Variants in OMG observed in about 807,000 individuals in gnomAD.
The protein encoded by OMG is oligodendrocyte-myelin glycoprotein.
In OMG, 9 loss-of-function variants were observed where a neutral mutation model predicts 26.2. The ratio of observed to expected loss-of-function variants is 0.34; its 90% CI spans 0.21 to 0.60. The LOEUF (loss-of-function observed/expected upper bound fraction) is 0.60. Ranked by LOEUF, OMG falls within the 20% of genes least tolerant of loss-of-function variation. OMG has a pLI of 0.80. For synonymous variants in OMG, 179 were observed against 190.4 expected, an observed-to-expected ratio of 0.94 and a Z score of 0.49; for missense variants, 402 against 513.6, an observed-to-expected ratio of 0.78 and a Z score of 2.10.
At position 31,294,655 on chromosome 17, in the gene OMG, A is replaced by G. The variant is rs912726823; in HGVS notation, c.*354T>C. The G allele has an allele frequency of 3.1e-6, 1 of 319,724 alleles. No individual in the cohort carries two copies. Among genetic ancestry groups the G allele is most frequent in the Non-Finnish European group, 6.0e-6 (1 of 167,236 alleles). The allele number at this position is 319,724 out of a possible 1,614,324, so 19.8% of individuals were successfully genotyped here. On this transcript the variant is annotated 3_prime_UTR_variant, in exon 2 of 2. Transcript: ENST00000247271. Reference sequence around the variant, plus strand: ...AAAGCCAAATGACACAGTTATGAGCATAGACCTTTTATTTTCCAGATGTTT... The same window carrying G: ...AAAGCCAAATGACACAGTTATGAGCGTAGACCTTTTATTTTCCAGATGTTT...
rs1597789915 is a variant in OMG, at chr17:31,294,789, A to C, written c.*220T>G. 1 of 590,218 alleles carries C rather than the reference A, an allele frequency of 1.7e-6. No individual in the cohort carries two copies. The highest frequency in any genetic ancestry group is 3.0e-6 in the Non-Finnish European group (1 of 335,990). 36.6% of individuals were successfully genotyped at this position (590,218 alleles called of 1,614,324 possible). A position where few individuals can be genotyped will look rare whatever the true frequency, so the allele number is the denominator to read the frequency against. The stretch of plus-strand genomic sequence containing the variant: ...ATTTTTTTTATAAAAGAAACTCATT[A>C]GTTTACTTAATTAAGACAGTAAAAT... On this transcript the variant is annotated 3_prime_UTR_variant, in exon 2 of 2. Coordinates refer to ENST00000247271, the MANE Select transcript of OMG (RefSeq NM_002544.5).
Position 31,296,071 on chromosome 17 carries a change from G to T in OMG, c.261C>A (p.Asn87Lys). Residue 87 changes from asparagine to lysine, a missense_variant, in exon 2 of 2, where the codon AAC becomes AAA. Coordinates refer to ENST00000247271, the MANE Select transcript of OMG (RefSeq NM_002544.5). ...YTNLRTLDISNNRLESLPAHL... is the reference protein window; with the variant it reads ...YTNLRTLDISKNRLESLPAHL... Reference sequence around the variant, plus strand: ...GAGCAGGCAGGCTTTCAAGCCTGTTGTTTGAAATGTCCAGGGTCCTCAGAT... The same window carrying T: ...GAGCAGGCAGGCTTTCAAGCCTGTTTTTTGAAATGTCCAGGGTCCTCAGAT... 6.2e-7 allele frequency: 1 copy of T among 1,613,886 alleles called. No homozygotes were observed. Among genetic ancestry groups the T allele is most frequent in the Non-Finnish European group, 8.5e-7 (1 of 1,179,926 alleles).
At position 31,294,960 on chromosome 17, in the gene OMG, C is replaced by T. The variant is rs771528005; in HGVS notation, c.*49G>A. On this transcript the variant is annotated 3_prime_UTR_variant, in exon 2 of 2. Coordinates refer to ENST00000247271, the MANE Select transcript of OMG (RefSeq NM_002544.5). ...GTTAGATATGGACATATTTTCCCAA[C>T]TGTACATCAGGGAGGAGTGCTTTCA... The T allele has an allele frequency of 6.2e-7, 1 of 1,612,770 alleles. No homozygotes were observed. The highest frequency in any genetic ancestry group is 2.2e-5 in the East Asian group (1 of 44,858).
intron 1 of OMG, 137 bp from the exon 2 acceptor site, chr17:31,296,474 A>G (rs1305328253): frequency 3.7e-6 from 3 of 802,248 alleles, no homozygotes; most frequent in African/African-American, 3.4e-5. Context: ...CAGTGATTAA[A>G]CTAACAAAGC....
chr17:31,296,236 G>A lies in OMG; in HGVS notation c.96C>T (p.Cys32=). 6.2e-7 allele frequency: 1 copy of A among 1,614,112 alleles called. No homozygotes were observed. Among genetic ancestry groups the A allele is most frequent in the South Asian group, 1.1e-5 (1 of 91,086 alleles). Residue 32 remains cysteine (C), a synonymous_variant, in exon 2 of 2, where the codon TGC becomes TGT. Transcript: ENST00000247271. ...AGTCCACATGCCTGTGCCTCTCTGT[G>A]CATATACATTGGAGAGGACAAATGC... ...ILCICPLQCI[C]TERHRHVDCS...
rs760069401 is a variant in OMG, at chr17:31,295,662, T to G, written c.670A>C (p.Asn224His). 5 of 1,614,144 alleles carry G rather than the reference T, an allele frequency of 3.1e-6. No homozygotes were observed. The Admixed American group carries it at 8.3e-5, about 27-fold the overall frequency. ...LFQLQEITLYNNRWSCDHKQN... is the reference protein window; with the variant it reads ...LFQLQEITLYHNRWSCDHKQN... ...TTGTGGTCACATGACCACCTGTTAT[T>G]GTAAAGGGTTATCTCTTGCAACTGA... Residue 224 changes from asparagine (N) to histidine (H), a missense_variant, in exon 2 of 2, where the codon AAT becomes CAT. By Grantham distance (68) the Asn-to-His change is moderately conservative. This residue lies in a region of OMG where 247 missense variants were observed against 274.7 expected (regional missense o/e 0.90). Transcript: ENST00000247271.
Position 31,295,458 on chromosome 17 carries a change from G to A in OMG, c.874C>T (p.Leu292=), listed in dbSNP as rs371558601. 1.7e-5 allele frequency: 28 copies of A among 1,614,028 alleles called. No individual in the cohort carries two copies. The South Asian group carries it at 1.9e-4, about 11-fold the overall frequency. ...ACTTTGGGTTGAGTTACCACACTCA[G>A]AGAGTTAATGGTGTCCACTGTCTGC... The part of the protein sequence containing the change: ...GMQTVDTINS[L]SVVTQPKVTK... The change falls in exon 2 of 2, where the codon CTG becomes TTG. Residue 292 remains leucine (L), a synonymous_variant. Transcript: ENST00000247271.
chr17:31,296,002 GT>G lies in OMG; in HGVS notation c.329del (p.Asn110ThrfsTer36). ...SLWNMSAANN[N>X]IKLLDKSDTA... ...TATCAGATTTGTCAAGAAGTTTAAT[GT>G]TGTTGTTAGCAGCAGACATGTTCCA... On this transcript the variant is annotated frameshift_variant, in exon 2 of 2. Transcript: ENST00000247271. LOFTEE classifies it high-confidence loss of function. 1 of 1,614,120 alleles carries G rather than the reference GT, an allele frequency of 6.2e-7. No homozygotes were observed. The highest frequency in any genetic ancestry group is 8.5e-7 in the Non-Finnish European group (1 of 1,179,992).
At position 31,295,379 on chromosome 17, in the gene OMG, A is replaced by G. The variant is rs772483242; in HGVS notation, c.953T>C (p.Leu318Pro). 2 of 1,614,168 alleles carry G rather than the reference A, an allele frequency of 1.2e-6. No individual in the cohort carries two copies. Among genetic ancestry groups the G allele is most frequent in the Non-Finnish European group, 1.7e-6 (2 of 1,180,008 alleles). ...GCTAGTAAAGGTGGTGTCTTTGCTTAGAGTGGCACCAAACGTTGTTTCCTT... is the reference window on the plus strand; with the variant it reads ...GCTAGTAAAGGTGGTGTCTTTGCTTGGAGTGGCACCAAACGTTGTTTCCTT... ...RTKETTFGATLSKDTTFTSTD... is the reference protein window; with the variant it reads ...RTKETTFGATPSKDTTFTSTD... Residue 318 changes from leucine (L) to proline (P), a missense_variant, in exon 2 of 2, where the codon CTA becomes CCA. Leu to Pro is a moderately conservative substitution (Grantham distance 98, BLOSUM62 -3). Transcript: ENST00000247271.
Position 31,295,419 on chromosome 17 carries a change from T to C in OMG, c.913A>G (p.Lys305Glu). 1 of 1,614,148 alleles carries C rather than the reference T, an allele frequency of 6.2e-7. No homozygotes were observed. The highest frequency in any genetic ancestry group is 8.5e-7 in the Non-Finnish European group (1 of 1,180,010). The change falls in exon 2 of 2, where the codon AAA (lysine) becomes GAA (glutamate). Residue 305 changes from lysine to glutamate, a missense_variant. Transcript: ENST00000247271. ...GTTGTTTCCTTTGTTCGATATTGTT[T>C]GGGTATTTTGGTCACTTTGGGTTGA... is the stretch of plus-strand genomic sequence containing the variant. ...VTQPKVTKIP[K>E]QYRTKETTFG...
rs760514220 is a variant in OMG at position 31,295,037 on chromosome 17, A to G, written c.1295T>C (p.Leu432Pro). 1 of 1,614,140 alleles carries G rather than the reference A, an allele frequency of 6.2e-7. No individual in the cohort carries two copies. The highest frequency in any genetic ancestry group is 2.2e-5 in the East Asian group (1 of 44,876). Residue 432 changes from leucine to proline, a missense_variant, in exon 2 of 2, where the codon CTC (leucine) becomes CCC (proline). Around this residue, in one of 3 missense-constraint regions of OMG, gnomAD observed 247 missense variants for 274.7 expected, o/e 0.90. Coordinates refer to ENST00000247271, the MANE Select transcript of OMG (RefSeq NM_002544.5). ...WKVNASFLLL[L>P]NVVVMLAV The stretch of plus-strand genomic sequence containing the variant: ...GACAGCCAGCATGACCACAACATTG[A>G]GCAATAAGAGAAATGAAGCATTTAC...
At position 31,297,205 on chromosome 17, in the gene OMG, AG is replaced by A. The variant is rs1279735571; in HGVS notation, c.-57del. The A allele has an allele frequency of 1.3e-5, 2 of 152,216 alleles. No individual in the cohort carries two copies. The highest frequency in any genetic ancestry group is 1.3e-4 in the Admixed American group (2 of 15,272). 9.4% of individuals were successfully genotyped at this position (152,216 alleles called of 1,614,324 possible). ...ATCTCATTTTCTCTGGGAAACTTAA[AG>A]GTCGTCTTGTTCTGTAGAGTCGGAA... On this transcript the variant is annotated 5_prime_UTR_variant, in exon 1 of 2. Coordinates refer to ENST00000247271, the MANE Select transcript of OMG (RefSeq NM_002544.5).
Position 31,295,500 on chromosome 17 carries a change from A to G in OMG, c.832T>C (p.Phe278Leu), listed in dbSNP as rs1301262669. Residue 278 changes from phenylalanine to leucine, a missense_variant, in exon 2 of 2, where the codon TTC becomes CTC. Around this residue, in one of 3 missense-constraint regions of OMG, gnomAD observed 247 missense variants for 274.7 expected, o/e 0.90. Coordinates refer to ENST00000247271, the MANE Select transcript of OMG (RefSeq NM_002544.5). ...PTPSGFTSSL[F>L]TVSGMQTVDT... ...ACTGTCTGCATCCCACTTACAGTGA[A>G]TAAGCTTGAGGTAAATCCAGAAGGT... 1 of 1,614,180 alleles carries G rather than the reference A, an allele frequency of 6.2e-7. No homozygotes were observed. Among genetic ancestry groups the G allele is most frequent in the South Asian group, 1.1e-5 (1 of 91,080 alleles).
rs1392024178 is a variant in OMG at position 31,295,127 on chromosome 17, A to G, written c.1205T>C (p.Leu402Ser). 6.2e-7 allele frequency: 1 copy of G among 1,614,100 alleles called. No homozygotes were observed. Among genetic ancestry groups the G allele is most frequent in the Admixed American group, 1.7e-5 (1 of 60,012 alleles). ...ATTTGTGGTTGTCTCTTCCCTCCATAAGTTAAGGGTTGTGCTTTGTTGAGG... is the reference window on the plus strand; with the variant it reads ...ATTTGTGGTTGTCTCTTCCCTCCATGAGTTAAGGGTTGTGCTTTGTTGAGG... The part of the protein sequence containing the change: ...EMPQQSTTLN[L>S]WREETTTNVK... The change falls in exon 2 of 2, where the codon TTA (leucine) becomes TCA (serine). Residue 402 changes from leucine (L) to serine (S), a missense_variant. Around this residue, in one of 3 missense-constraint regions of OMG, gnomAD observed 247 missense variants for 274.7 expected, o/e 0.90. Coordinates refer to ENST00000247271, the MANE Select transcript of OMG (RefSeq NM_002544.5).
chr17:31,295,189 A>G lies in OMG; in HGVS notation c.1143T>C (p.Ser381=). 1 of 1,614,114 alleles carries G rather than the reference A, an allele frequency of 6.2e-7. No homozygotes were observed. Among genetic ancestry groups the G allele is most frequent in the South Asian group, 1.1e-5 (1 of 91,078 alleles). The change falls in exon 2 of 2, where the codon AGT becomes AGC. Residue 381 remains serine (S), a synonymous_variant. Transcript: ENST00000247271. ...TKSSPTPMTL[S]ITSGMPNNFS... is the part of the protein sequence containing the mutation. Reference sequence around the variant, plus strand: ...AATTATTTGGCATGCCACTAGTGATACTTAGGGTCATGGGTGTTGGGGATG... The same window carrying G: ...AATTATTTGGCATGCCACTAGTGATGCTTAGGGTCATGGGTGTTGGGGATG...
At position 31,295,101 on chromosome 17, in the gene OMG, C is replaced by A; in HGVS notation, c.1231G>T (p.Val411Leu). ...NLWREETTTNVKTPLPSVANA... is the reference protein window; with the variant it reads ...NLWREETTTNLKTPLPSVANA... ...GCCACAGAAGGTAATGGAGTCTTTA[C>A]ATTTGTGGTTGTCTCTTCCCTCCAT... The change falls in exon 2 of 2, where the codon GTA becomes TTA. Residue 411 changes from valine to leucine, a missense_variant. By Grantham distance (32) the Val-to-Leu change is conservative. This residue lies in a region of OMG where 247 missense variants were observed against 274.7 expected (regional missense o/e 0.90). Transcript: ENST00000247271. The A allele has an allele frequency of 6.2e-7, 1 of 1,614,130 alleles. No individual in the cohort carries two copies. Among genetic ancestry groups the A allele is most frequent in the Non-Finnish European group, 8.5e-7 (1 of 1,180,006 alleles).
rs1048243788 is a variant in OMG, at chr17:31,297,228, G to C, written c.-79C>G. 1 of 152,302 alleles carries C rather than the reference G, an allele frequency of 6.6e-6. No individual in the cohort carries two copies. The highest frequency in any genetic ancestry group is 1.5e-5 in the Non-Finnish European group (1 of 68,100). The allele number at this position is 152,302 out of a possible 1,614,324, so 9.4% of individuals were successfully genotyped here. On this transcript the variant is annotated 5_prime_UTR_variant, in exon 1 of 2. Coordinates refer to ENST00000247271, the MANE Select transcript of OMG (RefSeq NM_002544.5). ...AAAGGTCGTCTTGTTCTGTAGAGTCGGAACTGTTTCTGGCTGTGGGCTGTG... is the reference window on the plus strand; with the variant it reads ...AAAGGTCGTCTTGTTCTGTAGAGTCCGAACTGTTTCTGGCTGTGGGCTGTG...
intron 1 of OMG, chr17:31,296,544 ACT>A (rs2068469569): frequency 1.8e-6 from 1 of 567,584 alleles, no homozygotes; most frequent in Non-Finnish European, 3.2e-6. Context: ...GTAGAGAGAG[ACT>A]CTCTCCCTAC....
rs1375215614 is a variant in OMG at position 31,294,795 on chromosome 17, C to T, written c.*214G>A. The T allele has an allele frequency of 1.7e-6, 1 of 599,668 alleles. No individual in the cohort carries two copies. Among genetic ancestry groups the T allele is most frequent in the African/African-American group, 1.9e-5 (1 of 53,736 alleles). 37.1% of individuals were successfully genotyped at this position (599,668 alleles called of 1,614,324 possible). A position where few individuals can be genotyped will look rare whatever the true frequency, so the allele number is the denominator to read the frequency against. ...TTTATAAAAGAAACTCATTAGTTTA[C>T]TTAATTAAGACAGTAAAATAGCAGC... On this transcript the variant is annotated 3_prime_UTR_variant, in exon 2 of 2. Coordinates refer to ENST00000247271, the MANE Select transcript of OMG (RefSeq NM_002544.5).
Sources: gnomAD v4.1 joint callset for allele counts on GRCh38, gnomAD v4.1.1 for gene constraint, gnomAD v4.1.1 regional missense constraint, MANE v1.5 for transcripts, NCBI Gene and HGNC (gene_info 2026-07-23, HGNC 2026-07-21) for gene names.